TRPC6: variants seen among roughly 807,000 people sequenced by gnomAD.
The protein encoded by TRPC6 is transient receptor potential cation channel subfamily C member 6.
A neutral mutation model predicts 90.7 loss-of-function variants in TRPC6; 55 were observed. The ratio of observed to expected loss-of-function variants is 0.61; its 90% confidence interval spans 0.49 to 0.76. TRPC6 has a LOEUF of 0.76. TRPC6 is among the 30% of genes least tolerant of loss of function. The probability of loss-of-function intolerance (pLI) is 0.00; values close to 1 mark genes in which losing one functional copy is unlikely to be tolerated. For missense variants in TRPC6, 989 were observed against 1,122.7 expected (o/e 0.88, Z 1.70); for synonymous variants, 393 against 393.0 (o/e 1.00, Z 0.00).
chr11:101,471,790 A>G (rs1400308665), intron 8 of TRPC6, among the ~76,000 whole-genome samples: 12 of 152,220 alleles, frequency 7.9e-5, no homozygotes, highest in Admixed American at 7.9e-4. Flanking sequence ...TCAATTTTGA[A>G]TATCACTCAA....
intron 9 of TRPC6, 138 bp from the exon 10 acceptor site, chr11:101,469,639 G>A: frequency 1.7e-6 from 1 of 583,004 alleles, no homozygotes; most frequent in Non-Finnish European, 3.1e-6. Flanking sequence ...TCTTCCCTTT[G>A]CAAGTGCTTG....
At chr11:101,561,067 T>G (rs1417833502) in intron 1 of TRPC6, among the ~76,000 whole-genome samples, 1 of 150,482 alleles carries the variant, frequency 6.6e-6, no homozygotes. Flanking sequence ...CAGATACATC[T>G]CTCTTTTCTT....
intron 1 of TRPC6, among the ~76,000 whole-genome samples, chr11:101,544,387 C>T (rs1164493713): frequency 6.6e-6 from 1 of 152,082 alleles, no homozygotes; most frequent in Non-Finnish European, 1.5e-5. Flanking sequence ...TGGGTATATA[C>T]CCAAAGGATT....
intron 1 of TRPC6, among the ~76,000 whole-genome samples, chr11:101,521,930 C>T (rs995645411): frequency 3.3e-5 from 5 of 152,196 alleles, no homozygotes; most frequent in African/African-American, 1.2e-4. Flanking sequence ...GTACCCCTGT[C>T]GCATCTTGGA....
In TRPC6 at chr11:101,504,211, C is replaced by G. The variant is rs761558652; in HGVS notation, c.758G>C (p.Cys253Ser). The G allele has an allele frequency of 6.2e-7, 1 of 1,614,010 alleles. No individual in the cohort carries two copies. Among genetic ancestry groups the G allele is most frequent in the Admixed American group, 1.7e-5 (1 of 59,990 alleles). Reference protein sequence around the residue: ...ARIERPHDYFCKCNDCNQKQK... With the variant: ...ARIERPHDYFSKCNDCNQKQK... ...TTTCTGGTTGCAGTCATTGCACTTG[C>G]AGAAATAATCATGAGGCCGTTCAAT... The change falls in exon 2 of 13, where the codon TGC (cysteine) becomes TCC (serine). Residue 253 changes from cysteine to serine, a missense_variant. Physicochemically the swap from Cys to Ser is moderately radical, Grantham distance 112. Coordinates refer to ENST00000344327, the MANE Select transcript of TRPC6 (RefSeq NM_004621.6).
At chr11:101,462,506 T>C (rs1291433169) in intron 10 of TRPC6, among the ~76,000 whole-genome samples, 1 of 152,234 alleles carries the variant, frequency 6.6e-6, no homozygotes, top group Non-Finnish European at 1.5e-5. Context: ...TTTGTAGTTC[T>C]CCTTGAAGAG....
At chr11:101,470,802 GCCC>G (rs1354457752) in intron 9 of TRPC6, among the ~76,000 whole-genome samples, 1 of 48,724 alleles carries the variant, frequency 2.1e-5, no homozygotes, top group Non-Finnish European at 3.6e-5. Context: ...TAATCAAGTT[GCCC>G]CGCCCCCCCC....
At chr11:101,509,697 A>G (rs1233882076) in intron 1 of TRPC6, among the ~76,000 whole-genome samples, 1 of 152,142 alleles carries the variant, frequency 6.6e-6, no homozygotes, top group African/African-American at 2.4e-5. Flanking sequence ...TTGAAGGAAC[A>G]GCAAAGATAT....
intron 5 of TRPC6, 94 bp downstream of exon 5, chr11:101,482,855 T>A: frequency 7.9e-7 from 1 of 1,264,262 alleles, no homozygotes; most frequent in Non-Finnish European, 1.2e-6. Flanking sequence ...TCATGCTGCA[T>A]ACATTTGTAT....
intron 1 of TRPC6, among the ~76,000 whole-genome samples, chr11:101,516,417 A>G (rs1860524804): frequency 2.0e-5 from 3 of 152,314 alleles, no homozygotes; most frequent in African/African-American, 7.2e-5. Flanking sequence ...ATCGCTGATC[A>G]TTTTAAAGAC....
At chr11:101,558,213 GTATATA>G (rs1861609008) in intron 1 of TRPC6, among the ~76,000 whole-genome samples, 1 of 96,080 alleles carries the variant, frequency 1.0e-5, no homozygotes, top group African/African-American at 4.6e-5. Flanking sequence ...GTGTATACAT[GTATATA>G]TGTATACATG....
At chr11:101,570,929 A>G (rs2136886495) in intron 1 of TRPC6, among the ~76,000 whole-genome samples, 1 of 152,274 alleles carries the variant, frequency 6.6e-6, no homozygotes, top group South Asian at 2.1e-4. Context: ...AATGGGCAAA[A>G]GCTGGAAACA....
chr11:101,526,097 T>C (rs948830252), intron 1 of TRPC6, among the ~76,000 whole-genome samples: 2 of 152,208 alleles, frequency 1.3e-5, no homozygotes, highest in Admixed American at 1.3e-4. Context: ...CAGTCCCTCA[T>C]GCAATTTCTG....
intron 2 of TRPC6, among the ~76,000 whole-genome samples, chr11:101,494,855 T>A (rs1432552815): frequency 1.3e-5 from 2 of 152,198 alleles, no homozygotes; most frequent in East Asian, 1.9e-4. Flanking sequence ...AAAGAAAGAA[T>A]AAGACTATGA....
intron 1 of TRPC6, among the ~76,000 whole-genome samples, chr11:101,511,958 A>G (rs536698575): frequency 6.6e-6 from 1 of 152,218 alleles, no homozygotes; most frequent in Non-Finnish European, 1.5e-5. Context: ...ACGCCACTGC[A>G]CTCCAGCCTG....
intron 7 of TRPC6, among the ~76,000 whole-genome samples, chr11:101,473,073 A>G (rs1859330639): frequency 6.6e-6 from 1 of 152,174 alleles, no homozygotes; most frequent in African/African-American, 2.4e-5. Context: ...CAATTAGGAA[A>G]GTAGCTGTTT....
At chr11:101,476,221 C>T in intron 6 of TRPC6, 80 bp downstream of exon 6, 6 of 1,146,748 alleles carry the variant, frequency 5.2e-6, no homozygotes, top group Admixed American at 1.9e-5. Context: ...GAGAATTGTG[C>T]AGTAACCGAA....
intron 1 of TRPC6, among the ~76,000 whole-genome samples, chr11:101,529,263 T>C (rs1005791831): frequency 9.9e-5 from 15 of 152,106 alleles, no homozygotes; most frequent in African/African-American, 3.6e-4. Context: ...AATGCATATA[T>C]AGTCGATTAA....
chr11:101,573,954 G>T (rs80170162), intron 1 of TRPC6, among the ~76,000 whole-genome samples: 1 of 86,566 alleles, frequency 1.2e-5, no homozygotes, highest in African/African-American at 3.9e-5. Flanking sequence ...GTGTGTGTGT[G>T]TGTATGTGTG....
Sources: allele counts gnomAD v4.1 joint callset (sites outside exome capture counted in the v4.1 genomes callset), GRCh38; gene constraint gnomAD v4.1.1; transcripts MANE v1.5; gene names NCBI Gene and HGNC (gene_info 2026-07-23, HGNC 2026-07-21).